PLCE1: variants seen among roughly 807,000 people sequenced by gnomAD.
PLCE1 encodes phospholipase C epsilon 1.
A neutral mutation model predicts 242.8 loss-of-function variants in PLCE1; 119 were observed. That is an observed-to-expected ratio of 0.49 (90% CI 0.42 to 0.57). The LOEUF is 0.57. Ranked by LOEUF, PLCE1 falls within the 20% of genes least tolerant of loss-of-function variation. PLCE1 has a pLI of 0.00. For missense variants in PLCE1, 2,441 were observed against 2,788.8 expected, an observed-to-expected ratio of 0.88 and a Z score of 2.81; for synonymous variants, 945 against 1,017.4, an observed-to-expected ratio of 0.93 and a Z score of 1.35.
chr10:94,234,142 G>A lies in PLCE1; in HGVS notation c.2044G>A (p.Glu682Lys). Residue 682 changes from glutamate to lysine, a missense_variant, in exon 6 of 33, where the codon GAG becomes AAG. By Grantham distance (56) the Glu-to-Lys change is moderately conservative. Around this residue, in one of 5 missense-constraint regions of PLCE1, gnomAD observed 733 missense variants for 754.2 expected, o/e 0.97. Transcript: ENST00000371380. Reference sequence around the variant, plus strand: ...CCTGAAGGATGCTATGGCCCAGCATGAGTCCTCTTGTGAGTACAGAAAGGT... The same window carrying A: ...CCTGAAGGATGCTATGGCCCAGCATAAGTCCTCTTGTGAGTACAGAAAGGT... ...RSLKDAMAQHESSCEYRKVVT... is the reference protein window; with the variant it reads ...RSLKDAMAQHKSSCEYRKVVT... The A allele has an allele frequency of 1.2e-6, 2 of 1,614,098 alleles. No homozygotes were observed. The highest frequency in any genetic ancestry group is 2.2e-5 in the East Asian group (1 of 44,868).
chr10:94,158,620 T>TA (rs999935002), intron 3 of PLCE1, among the ~76,000 whole-genome samples: 1 of 152,032 alleles, frequency 6.6e-6, no homozygotes, highest in African/African-American at 2.4e-5. Flanking sequence ...ATTATAATGG[T>TA]AAAAAGTTGT....
At chr10:94,214,824 C>T (rs1453826924) in intron 4 of PLCE1, among the ~76,000 whole-genome samples, 1 of 152,172 alleles carries the variant, frequency 6.6e-6, no homozygotes, top group African/African-American at 2.4e-5. Context: ...AGCATGGTCT[C>T]CAAACATCGT....
At chr10:94,241,811 C>T (rs1002852488) in intron 7 of PLCE1, among the ~76,000 whole-genome samples, 1 of 148,398 alleles carries the variant, frequency 6.7e-6, no homozygotes, top group Non-Finnish European at 1.5e-5. Context: ...AAAAAAAGCC[C>T]CTCTAGAGGA....
At position 94,298,716 on chromosome 10, in the gene PLCE1, A is replaced by G. The variant is rs1304798457; in HGVS notation, c.5458+47A>G. On this transcript the variant is annotated intron_variant, in intron 24 of 32. Transcript: ENST00000371380. This position sits in a 1 kb window ranked among gnomAD's most constrained non-coding sequence, Gnocchi z 5.2. ...CTCGCTCCTTTGCATCTTACATTTC[A>G]GTAAATGCAGTTTGACAGCATTTTT... The G allele has an allele frequency of 3.1e-6, 5 of 1,596,714 alleles. No individual in the cohort carries two copies. Among genetic ancestry groups the G allele is most frequent in the Non-Finnish European group, 4.3e-6 (5 of 1,164,648 alleles).
chr10:94,301,322 C>T (rs1014301964), intron 24 of PLCE1, among the ~76,000 whole-genome samples: 18 of 149,180 alleles, frequency 1.2e-4, no homozygotes, highest in African/African-American at 4.5e-4. Flanking sequence ...TCAGCCTGGG[C>T]GACAAAGTGA....
At chr10:94,003,510 T>C (rs1485707305) in intron 1 of PLCE1, among the ~76,000 whole-genome samples, 1 of 152,218 alleles carries the variant, frequency 6.6e-6, no homozygotes, top group Non-Finnish European at 1.5e-5. Context: ...ATCTCTAAAA[T>C]AGAGATATTA....
intron 1 of PLCE1, among the ~76,000 whole-genome samples, chr10:94,016,509 A>T (rs1295939023): frequency 6.6e-6 from 1 of 152,216 alleles, no homozygotes; most frequent in Non-Finnish European, 1.5e-5. Context: ...GACCAGTCAC[A>T]TGATATCAGG....
chr10:94,205,940 G>A (rs2049144536), intron 4 of PLCE1, among the ~76,000 whole-genome samples: 1 of 152,326 alleles, frequency 6.6e-6, no homozygotes, highest in East Asian at 1.9e-4. Flanking sequence ...GCCATGCACT[G>A]TTCTAGGCTC....
At chr10:94,227,163 C>T (rs983494497) in intron 4 of PLCE1, 143 bp from the exon 5 acceptor site, 1 of 750,056 alleles carries the variant, frequency 1.3e-6, no homozygotes, top group African/African-American at 1.7e-5. Context: ...AGGCGTGAAC[C>T]ACCACGCCCA....
intron 2 of PLCE1, among the ~76,000 whole-genome samples, chr10:94,119,522 CTA>C (rs2046239299): frequency 6.6e-6 from 1 of 152,148 alleles, no homozygotes; most frequent in Non-Finnish European, 1.5e-5. Context: ...CATAGGAAAA[CTA>C]TTTTGCATAC....
intron 29 of PLCE1, among the ~76,000 whole-genome samples, chr10:94,317,592 T>A (rs2133808397): frequency 6.6e-6 from 1 of 152,268 alleles, no homozygotes; most frequent in Admixed American, 6.5e-5. Flanking sequence ...AAGAATAATA[T>A]CTTGGCCTGA....
chr10:94,286,354 G>A (rs191852799), intron 22 of PLCE1, among the ~76,000 whole-genome samples: 1 of 152,242 alleles, frequency 6.6e-6, no homozygotes, highest in South Asian at 2.1e-4. Flanking sequence ...AGGCAAACTG[G>A]GTGTAGTGGT....
intron 2 of PLCE1, among the ~76,000 whole-genome samples, chr10:94,071,648 G>A (rs539648521): frequency 6.6e-6 from 1 of 151,764 alleles, no homozygotes; most frequent in Non-Finnish European, 1.5e-5. Flanking sequence ...ACAGGTGCAT[G>A]CCACCATGCC....
chr10:93,997,195 A>C (rs1469709590), intron 1 of PLCE1, among the ~76,000 whole-genome samples: 1 of 152,222 alleles, frequency 6.6e-6, no homozygotes, highest in Non-Finnish European at 1.5e-5. Flanking sequence ...TGTGATTTTC[A>C]TAAATTTGGC....
At chr10:94,304,737 C>A in intron 25 of PLCE1, 92 bp downstream of exon 25, 2 of 1,262,136 alleles carry the variant, frequency 1.6e-6, no homozygotes, top group Non-Finnish European at 2.3e-6. Context: ...GGAAAGCTGT[C>A]ATGTCACAAT....
intron 23 of PLCE1, among the ~76,000 whole-genome samples, chr10:94,295,133 G>A (rs754735572): frequency 6.6e-6 from 1 of 151,578 alleles, no homozygotes; most frequent in Non-Finnish European, 1.5e-5. Context: ...AGCCAGGGTG[G>A]TCTCGATCTC....
At chr10:94,103,354 C>G (rs1010862184) in intron 2 of PLCE1, among the ~76,000 whole-genome samples, 5 of 152,150 alleles carry the variant, frequency 3.3e-5, no homozygotes, top group Admixed American at 1.3e-4. Context: ...TACCAGACAC[C>G]CTGAGAAAGC....
At chr10:94,213,790 G>A (rs1232478546) in intron 4 of PLCE1, among the ~76,000 whole-genome samples, 2 of 152,168 alleles carry the variant, frequency 1.3e-5, no homozygotes, top group Non-Finnish European at 2.9e-5. Context: ...TGAAGAAGGA[G>A]CTGCTTATTA....
intron 32 of PLCE1, 24 bp downstream of exon 32, chr10:94,325,128 C>A: frequency 1.3e-6 from 2 of 1,507,264 alleles, no homozygotes; most frequent in South Asian, 1.1e-5. Flanking sequence ...TTGCACCATC[C>A]TGGAACAGGG....
Sources: allele counts gnomAD v4.1 joint callset (sites outside exome capture counted in the v4.1 genomes callset), GRCh38; gene constraint gnomAD v4.1.1; regional missense constraint gnomAD v4.1.1; non-coding constraint Gnocchi (gnomAD v3.1); transcripts MANE v1.5; gene names NCBI Gene and HGNC (gene_info 2026-07-23, HGNC 2026-07-21).